The following ITGA9 variants were observed in gnomAD, a reference collection of about 807,000 sequenced individuals.
ITGA9 encodes the protein integrin alpha-9.
In ITGA9, 56 loss-of-function variants were observed where a neutral mutation model predicts 127.8. The observed-to-expected ratio is 0.44, with a 90% CI of 0.35 to 0.55. The LOEUF (loss-of-function observed/expected upper bound fraction) is 0.55, where lower values mean the gene tolerates loss of function less well. ITGA9 is among the 20% of genes least tolerant of loss of function. ITGA9 has a pLI of 0.00. For synonymous variants in ITGA9, 508 were observed against 514.5 expected, an observed-to-expected ratio of 0.99 and a Z score of 0.17; for missense variants, 1,196 against 1,347.1, an observed-to-expected ratio of 0.89 and a Z score of 1.76.
At chr3:37,534,883 C>T (rs927666185) in intron 14 of ITGA9, among the ~76,000 whole-genome samples, 1 of 152,206 alleles carries the variant, frequency 6.6e-6, no homozygotes, top group Admixed American at 6.5e-5. Context: ...TTTCTCACCA[C>T]CTCCATAATT....
At chr3:37,525,993 A>G (rs1165362708) in intron 12 of ITGA9, 33 bp from the exon 13 acceptor site, 1 of 1,608,420 alleles carries the variant, frequency 6.2e-7, no homozygotes, top group Non-Finnish European at 8.5e-7. Flanking sequence ...GGCTTCAGCA[A>G]GTTTCTGAAC....
intron 4 of ITGA9, among the ~76,000 whole-genome samples, chr3:37,484,915 T>G (rs969922798): frequency 6.6e-6 from 1 of 152,242 alleles, no homozygotes; most frequent in Non-Finnish European, 1.5e-5. Flanking sequence ...TAATATGCCA[T>G]GTACAACATA....
chr3:37,765,167 G>T (rs1233569791), intron 23 of ITGA9, among the ~76,000 whole-genome samples: 2 of 152,032 alleles, frequency 1.3e-5, no homozygotes, highest in Admixed American at 6.6e-5. Context: ...GTCACCCCTT[G>T]TATCTCCTGG....
intron 1 of ITGA9, among the ~76,000 whole-genome samples, chr3:37,468,528 G>A (rs1559513590): frequency 6.6e-6 from 1 of 152,176 alleles, no homozygotes. Flanking sequence ...TCAGACTTCT[G>A]TTGTATGATG....
At chr3:37,747,809 G>A (rs996823198) in intron 22 of ITGA9, among the ~76,000 whole-genome samples, 1 of 150,804 alleles carries the variant, frequency 6.6e-6, no homozygotes, top group Non-Finnish European at 1.5e-5. Flanking sequence ...GCTCATTGCA[G>A]CCTCAACCTC....
At chr3:37,698,929 G>A (rs903361798) in intron 18 of ITGA9, among the ~76,000 whole-genome samples, 2 of 152,134 alleles carry the variant, frequency 1.3e-5, no homozygotes, top group African/African-American at 2.4e-5. Flanking sequence ...TAATAAACAC[G>A]TTTTCACGTG....
In ITGA9 at chr3:37,820,059, G is replaced by A. The variant is rs1575254753; in HGVS notation, c.*1070G>A. 2 of 152,196 alleles carry A rather than the reference G, an allele frequency of 1.3e-5. No homozygotes were observed. Among genetic ancestry groups the A allele is most frequent in the African/African-American group, 2.4e-5 (1 of 41,448 alleles). The allele number at this position is 152,196 out of a possible 1,614,324, so 9.4% of individuals were successfully genotyped here. A position where few individuals can be genotyped will look rare whatever the true frequency, so the allele number is the denominator to read the frequency against. Reference sequence around the variant, plus strand: ...TAACCGTTTTAAAAAAAATGTCTTAGATTGGGTTCCCAAGAAGCAGTCCCT... The same window carrying A: ...TAACCGTTTTAAAAAAAATGTCTTAAATTGGGTTCCCAAGAAGCAGTCCCT... On this transcript the variant is annotated 3_prime_UTR_variant, in exon 28 of 28. Transcript: ENST00000264741.
intron 15 of ITGA9, among the ~76,000 whole-genome samples, chr3:37,622,342 G>C (rs1700136488): frequency 6.6e-6 from 1 of 151,836 alleles, no homozygotes; most frequent in Admixed American, 6.6e-5. Context: ...ACCTGCCTCG[G>C]CCTCCCAAAG....
chr3:37,793,131 T>G (rs1697131346), intron 26 of ITGA9, among the ~76,000 whole-genome samples: 1 of 151,980 alleles, frequency 6.6e-6, no homozygotes, highest in African/African-American at 2.4e-5. Flanking sequence ...ATTATTATTT[T>G]TAGGCAACAG....
intron 20 of ITGA9, among the ~76,000 whole-genome samples, chr3:37,740,200 G>A (rs1488646362): frequency 6.6e-6 from 1 of 152,172 alleles, no homozygotes; most frequent in Non-Finnish European, 1.5e-5. Flanking sequence ...GGGGCAGAGA[G>A]AGGGCACAGA....
intron 27 of ITGA9, among the ~76,000 whole-genome samples, chr3:37,815,502 G>T (rs1479075628): frequency 6.6e-6 from 1 of 151,900 alleles, no homozygotes; most frequent in Non-Finnish European, 1.5e-5. Flanking sequence ...CCAGCTACTC[G>T]AGAGGCTGAG....
chr3:37,791,951 A>G (rs1430645982), intron 26 of ITGA9, among the ~76,000 whole-genome samples: 1 of 152,222 alleles, frequency 6.6e-6, no homozygotes, highest in Admixed American at 6.5e-5. Context: ...TATGTGACCA[A>G]TTATAGTTAC....
At position 37,517,499 on chromosome 3, in the gene ITGA9, C is replaced by T. The variant is rs376005274; in HGVS notation, c.1036-5C>T. 8.9e-6 allele frequency: 14 copies of T among 1,575,764 alleles called. No individual in the cohort carries two copies. The African/African-American group carries it at 1.8e-4, about 20-fold the overall frequency. On this transcript the variant is annotated splice_polypyrimidine_tract_variant and splice_region_variant and intron_variant, in intron 9 of 27. Coordinates refer to ENST00000264741, the MANE Select transcript of ITGA9 (RefSeq NM_002207.3). ...TTCCATTTTCTCCTCCATCCTGTTT[C>T]CCAGGGAGCCCTCGAGGAGCAGCTG...
At chr3:37,766,180 T>C (rs965388981) in intron 23 of ITGA9, among the ~76,000 whole-genome samples, 3 of 152,244 alleles carry the variant, frequency 2.0e-5, no homozygotes, top group Non-Finnish European at 4.4e-5. Flanking sequence ...GGACTAATTG[T>C]GTATGCTTCG....
chr3:37,532,152 C>T (rs935760425), intron 13 of ITGA9, among the ~76,000 whole-genome samples: 8 of 152,198 alleles, frequency 5.3e-5, no homozygotes, highest in African/African-American at 1.9e-4. Flanking sequence ...GTCTGACTTC[C>T]GTTTGTCCTG....
chr3:37,496,799 C>A (rs779221293), intron 5 of ITGA9, among the ~76,000 whole-genome samples: 1 of 152,198 alleles, frequency 6.6e-6, no homozygotes, highest in Non-Finnish European at 1.5e-5. Context: ...TGCCGGACTC[C>A]CACTGGTGGC....
chr3:37,724,006 G>A (rs1236976188), intron 18 of ITGA9, among the ~76,000 whole-genome samples: 1 of 152,186 alleles, frequency 6.6e-6, no homozygotes, highest in Non-Finnish European at 1.5e-5. Flanking sequence ...TCTGACTTCA[G>A]TATTTCTCCC....
At chr3:37,740,190 G>A (rs1250695723) in intron 20 of ITGA9, among the ~76,000 whole-genome samples, 1 of 152,118 alleles carries the variant, frequency 6.6e-6, no homozygotes, top group Non-Finnish European at 1.5e-5. Context: ...GGGCTTGGAG[G>A]GGGCAGAGAG....
intron 17 of ITGA9, among the ~76,000 whole-genome samples, chr3:37,677,033 G>T (rs1700688706): frequency 6.6e-6 from 1 of 152,166 alleles, no homozygotes; most frequent in Non-Finnish European, 1.5e-5. Context: ...AATAACTTCA[G>T]TCAACAGTGA....
Sources: allele counts gnomAD v4.1 joint callset (sites outside exome capture counted in the v4.1 genomes callset), GRCh38; gene constraint gnomAD v4.1.1; transcripts MANE v1.5; gene names NCBI Gene and HGNC (gene_info 2026-07-23, HGNC 2026-07-21).